Variants in NAPEPLD observed in about 807,000 individuals in gnomAD.
NAPEPLD encodes N-acyl-phosphatidylethanolamine-hydrolyzing phospholipase D.
A neutral mutation model predicts 38.1 loss-of-function variants in NAPEPLD; 23 were observed. That is an observed-to-expected ratio of 0.60 (90% CI 0.43 to 0.86). The LOEUF is 0.86. Among genes scored for constraint, NAPEPLD ranks in the 40% least tolerant of loss-of-function variants. NAPEPLD has a pLI of 0.00. For synonymous variants in NAPEPLD, 147 were observed against 162.0 expected, an observed-to-expected ratio of 0.91 and a Z score of 0.71; for missense variants, 411 against 476.8, an observed-to-expected ratio of 0.86 and a Z score of 1.28.
At chr7:103,105,598 AC>A (rs1803145467) in intron 4 of NAPEPLD, among the ~76,000 whole-genome samples, 1 of 152,238 alleles carries the variant, frequency 6.6e-6, no homozygotes, top group African/African-American at 2.4e-5. Context: ...TGCTTATATT[AC>A]ACGAGGCAGC....
At chr7:103,132,103 G>A (rs1288767637) in intron 1 of NAPEPLD, among the ~76,000 whole-genome samples, 1 of 152,298 alleles carries the variant, frequency 6.6e-6, no homozygotes, top group Middle Eastern at 3.4e-3. Flanking sequence ...AGACAACTCT[G>A]ATAGCAGGAT....
chr7:103,125,918 A>G (rs1807677598), intron 2 of NAPEPLD, among the ~76,000 whole-genome samples: 1 of 131,620 alleles, frequency 7.6e-6, no homozygotes, highest in African/African-American at 2.8e-5. Context: ...TAATAATAAT[A>G]ATAAATAAAA....
rs1585841583 is a variant in NAPEPLD at position 103,114,781 on chromosome 7, C to T, written c.1056+279G>A. ...ATGGCTTGCTTTTCTAGTCTCCAGACCACATACAGATTTTTGGTTATACAA... is the reference window on the plus strand; with the variant it reads ...ATGGCTTGCTTTTCTAGTCTCCAGATCACATACAGATTTTTGGTTATACAA... On this transcript the variant is annotated intron_variant, in intron 4 of 4. Transcript: ENST00000465647. Among the ~76,000 whole-genome samples the T allele has an allele frequency of 2.6e-5, 4 of 152,170 alleles. 1 individual carries two copies. The South Asian group carries it at 8.3e-4, about 31-fold the overall frequency.
chr7:103,121,052 G>A (rs547156838), intron 2 of NAPEPLD, among the ~76,000 whole-genome samples: 17 of 152,130 alleles, frequency 1.1e-4, no homozygotes, highest in Middle Eastern at 3.4e-3. Flanking sequence ...AAAATGGAGC[G>A]CTGTGATGAT....
rs139098770 is a variant in NAPEPLD at position 103,120,073 on chromosome 7, T to C, written c.445A>G (p.Ile149Val). ...GATGGTGAAGCACGAGAGCTAAAGA[T>C]GGGATCCGTGAGAAATATGAGCTCA... ...MDELIFLTDP[I>V]FSSRASPSQY... is the part of the protein sequence containing the mutation. The change falls in exon 3 of 5, where the codon ATC becomes GTC. Residue 149 changes from isoleucine (I) to valine (V), a missense_variant. Ile to Val is a conservative substitution (Grantham distance 29, BLOSUM62 3). Coordinates refer to ENST00000465647, the MANE Select transcript of NAPEPLD (RefSeq NM_001122838.3). The C allele has an allele frequency of 6.2e-6, 10 of 1,614,090 alleles. No individual in the cohort carries two copies. The African/African-American group carries it at 1.2e-4, about 19-fold the overall frequency.
intron 1 of NAPEPLD, among the ~76,000 whole-genome samples, chr7:103,145,809 G>A (rs1353731727): frequency 2.0e-5 from 3 of 152,036 alleles, no homozygotes; most frequent in Non-Finnish European, 2.9e-5. Flanking sequence ...GGAACCGAAG[G>A]GGCATACAAT....
intron 1 of NAPEPLD, among the ~76,000 whole-genome samples, chr7:103,130,089 A>G (rs1237305386): frequency 6.6e-6 from 1 of 152,238 alleles, no homozygotes; most frequent in African/African-American, 2.4e-5. Flanking sequence ...GTTTAAATAC[A>G]GTGCACACAC....
intron 4 of NAPEPLD, among the ~76,000 whole-genome samples, chr7:103,105,924 C>T (rs1283607363): frequency 1.5e-4 from 19 of 124,826 alleles, no homozygotes; most frequent in Non-Finnish European, 2.4e-4. Context: ...CAGAATGAGA[C>T]TCCGTCTCAA....
chr7:103,109,918 C>T (rs1175122654), intron 4 of NAPEPLD, among the ~76,000 whole-genome samples: 1 of 152,118 alleles, frequency 6.6e-6, no homozygotes, highest in Admixed American at 6.5e-5. Flanking sequence ...ATACAAACTA[C>T]CATCAAAGAA....
intron 2 of NAPEPLD, among the ~76,000 whole-genome samples, chr7:103,125,476 A>G (rs912716069): frequency 6.6e-6 from 1 of 152,178 alleles, no homozygotes; most frequent in Admixed American, 6.5e-5. Flanking sequence ...TTGTAGTTCT[A>G]TTTTATGAAT....
intron 4 of NAPEPLD, among the ~76,000 whole-genome samples, 160 bp from the exon 5 acceptor site, chr7:103,103,714 A>G (rs1054779537): frequency 6.6e-6 from 1 of 152,246 alleles, no homozygotes; most frequent in Non-Finnish European, 1.5e-5. Context: ...ACATTTTCTA[A>G]TACAGTTTTG....
chr7:103,110,714 C>T (rs1201655664), intron 4 of NAPEPLD, among the ~76,000 whole-genome samples: 1 of 151,972 alleles, frequency 6.6e-6, no homozygotes, highest in Admixed American at 6.6e-5. Context: ...ACATAGCATT[C>T]GAAGTTCTGG....
upstream of NAPEPLD, chr7:103,149,372 G>C: frequency 8.6e-7 from 1 of 1,168,596 alleles, no homozygotes; most frequent in Non-Finnish European, 1.1e-6. Flanking sequence ...GTAGCGGGAG[G>C]GGCGACCGCG....
At chr7:103,137,815 C>CAAAAAAAAAAAAA (rs79429621) in intron 1 of NAPEPLD, among the ~76,000 whole-genome samples, 1 of 107,530 alleles carries the variant, frequency 9.3e-6, no homozygotes, top group African/African-American at 3.5e-5. Context: ...GATGCTGTCT[C>CAAAAAAAAAAAAA]AAAAAAAAAA....
At chr7:103,119,547 C>G in intron 3 of NAPEPLD, 30 bp downstream of exon 3, 2 of 1,574,358 alleles carry the variant, frequency 1.3e-6, no homozygotes, top group Non-Finnish European at 1.7e-6. Context: ...TATCACATAG[C>G]AGGAATGTTT....
In NAPEPLD at chr7:103,115,072, G is replaced by A; in HGVS notation, c.1044C>T (p.Ala348=). The A allele has an allele frequency of 6.2e-7, 1 of 1,613,022 alleles. No individual in the cohort carries two copies. Among genetic ancestry groups the A allele is most frequent in the Non-Finnish European group, 8.5e-7 (1 of 1,179,482 alleles). ...KSMAIHWGTF[A]LANEHYLEPP... The stretch of plus-strand genomic sequence containing the variant: ...CAATCAAACTTACCTCATTTGCTAA[G>A]GCAAAAGTTCCCCAGTGAATTGCCA... Residue 348 remains alanine (A), a synonymous_variant, in exon 4 of 5, where the codon GCC becomes GCT. Transcript: ENST00000465647.
chr7:103,133,515 C>A (rs1176407188), intron 1 of NAPEPLD, among the ~76,000 whole-genome samples: 1 of 152,154 alleles, frequency 6.6e-6, no homozygotes, highest in Non-Finnish European at 1.5e-5. Flanking sequence ...ACAAAGGAGC[C>A]TCAGCCCGAG....
intron 3 of NAPEPLD, among the ~76,000 whole-genome samples, chr7:103,116,047 C>T (rs1805487572): frequency 1.6e-5 from 2 of 121,736 alleles, no homozygotes; most frequent in African/African-American, 5.5e-5. Flanking sequence ...TGGTTTTTGC[C>T]AGTTTTTTCT....
At chr7:103,117,619 T>C (rs1469581681) in intron 3 of NAPEPLD, among the ~76,000 whole-genome samples, 1 of 152,190 alleles carries the variant, frequency 6.6e-6, no homozygotes, top group Non-Finnish European at 1.5e-5. Flanking sequence ...TTCAATATCT[T>C]ATTTCTAAAG....
Sources: allele counts gnomAD v4.1 joint callset (sites outside exome capture counted in the v4.1 genomes callset), GRCh38; gene constraint gnomAD v4.1.1; transcripts MANE v1.5; gene names NCBI Gene and HGNC (gene_info 2026-07-23, HGNC 2026-07-21).